The following MBD5 variants were observed in gnomAD, a reference collection of about 807,000 sequenced individuals.
MBD5 encodes the protein methyl-CpG-binding domain protein 5.
A neutral mutation model predicts 117.3 loss-of-function variants in MBD5; 13 were observed. The observed-to-expected ratio is 0.11, with a 90% CI of 0.07 to 0.18. The LOEUF (loss-of-function observed/expected upper bound fraction) is 0.18. MBD5 is among the 10% of genes least tolerant of loss of function. The pLI is 1.00. For missense variants in MBD5, 1,879 were observed against 2,093.8 expected (o/e 0.90, Z 2.00); for synonymous variants, 727 against 766.4 (o/e 0.95, Z 0.85).
chr2:148,468,539 C>T lies in MBD5; in HGVS notation c.596C>T (p.Pro199Leu). 6 of 1,613,884 alleles carry T rather than the reference C, an allele frequency of 3.7e-6. No individual in the cohort carries two copies. The highest frequency in any genetic ancestry group is 5.1e-6 in the Non-Finnish European group (6 of 1,179,872). Reference protein sequence around the residue: ...SQQQELHPVYPRQRLGSSEHG... With the variant: ...SQQQELHPVYLRQRLGSSEHG... ...CAACAAGAACTCCACCCTGTCTACCCCCGACAGAGATTGGGCAGCAGTGAA... is the reference window on the plus strand; with the variant it reads ...CAACAAGAACTCCACCCTGTCTACCTCCGACAGAGATTGGGCAGCAGTGAA... The change falls in exon 8 of 14, where the codon CCC becomes CTC. Residue 199 changes from proline (P) to leucine (L), a missense_variant. Coordinates refer to ENST00000642680, the MANE Select transcript of MBD5 (RefSeq NM_001378120.1).
intron 3 of MBD5, among the ~76,000 whole-genome samples, chr2:148,246,126 G>T (rs1053617733): frequency 1.3e-5 from 2 of 152,076 alleles, no homozygotes; most frequent in Non-Finnish European, 2.9e-5. Context: ...TTATAGTTAG[G>T]CCTCAAAATA....
intron 2 of MBD5, among the ~76,000 whole-genome samples, chr2:148,200,542 A>G (rs1699108019): frequency 6.6e-6 from 1 of 152,048 alleles, no homozygotes; most frequent in African/African-American, 2.4e-5. Context: ...CTACAAAAAA[A>G]ATTAGCTGGG....
intron 4 of MBD5, among the ~76,000 whole-genome samples, chr2:148,406,030 A>T (rs1027839332): frequency 6.6e-6 from 1 of 152,086 alleles, no homozygotes; most frequent in African/African-American, 2.4e-5. Context: ...ATAAATAATT[A>T]ATTAATTAAT....
At chr2:148,503,547 A>C (rs1681935169) in intron 12 of MBD5, among the ~76,000 whole-genome samples, 1 of 152,216 alleles carries the variant, frequency 6.6e-6, no homozygotes, top group South Asian at 2.1e-4. Flanking sequence ...TAATTTTAGA[A>C]GTCAACAAAT....
At chr2:148,022,813 G>T (rs1693796896) in intron 1 of MBD5, among the ~76,000 whole-genome samples, 1 of 151,938 alleles carries the variant, frequency 6.6e-6, no homozygotes, top group African/African-American at 2.4e-5. Context: ...TAAATTGAAA[G>T]GTAAATCCAG....
At chr2:148,377,667 A>G (rs1336914748) in intron 4 of MBD5, among the ~76,000 whole-genome samples, 1 of 152,180 alleles carries the variant, frequency 6.6e-6, no homozygotes, top group African/African-American at 2.4e-5. Context: ...ATATAAATCT[A>G]AAGAGGAGGC....
intron 3 of MBD5, among the ~76,000 whole-genome samples, chr2:148,290,836 T>C (rs1206926163): frequency 6.6e-6 from 1 of 152,218 alleles, no homozygotes. Context: ...CACAAGTTTT[T>C]ATGTGAATAT....
chr2:148,152,916 A>G, intron 1 of MBD5, among the ~76,000 whole-genome samples: 1 of 151,936 alleles, frequency 6.6e-6, no homozygotes. Context: ...CTGTCTTTTA[A>G]TTGGAGCATT....
chr2:148,084,149 A>C (rs1300210038), intron 1 of MBD5, among the ~76,000 whole-genome samples: 4 of 152,186 alleles, frequency 2.6e-5, no homozygotes, highest in Non-Finnish European at 5.9e-5. Flanking sequence ...TACTTATTGC[A>C]TTTAAAGTCA....
chr2:148,507,730 A>G (rs960552919), intron 12 of MBD5, among the ~76,000 whole-genome samples: 2 of 151,218 alleles, frequency 1.3e-5, no homozygotes, highest in African/African-American at 4.9e-5. Context: ...ACTGCACTCC[A>G]GCCTGGGCGA....
intron 2 of MBD5, among the ~76,000 whole-genome samples, chr2:148,227,708 G>A (rs953704946): frequency 1.3e-5 from 2 of 152,120 alleles, no homozygotes; most frequent in Non-Finnish European, 2.9e-5. Context: ...CTTGGGCAGT[G>A]TGGCCATTTT....
At chr2:148,271,042 T>A (rs1431800656) in intron 3 of MBD5, among the ~76,000 whole-genome samples, 2 of 152,200 alleles carry the variant, frequency 1.3e-5, no homozygotes, top group African/African-American at 4.8e-5. Context: ...ATCTCATATC[T>A]CACTCTCATA....
At chr2:148,394,319 C>T (rs780185201) in intron 4 of MBD5, among the ~76,000 whole-genome samples, 6 of 152,044 alleles carry the variant, frequency 3.9e-5, no homozygotes, top group Non-Finnish European at 7.4e-5. Context: ...TTATTTTACT[C>T]TGGGGTTTCC....
At chr2:148,202,643 G>A (rs1254911338) in intron 2 of MBD5, among the ~76,000 whole-genome samples, 1 of 152,168 alleles carries the variant, frequency 6.6e-6, no homozygotes, top group Non-Finnish European at 1.5e-5. Context: ...ACTTGGGATT[G>A]ATGTGATTTG....
intron 3 of MBD5, among the ~76,000 whole-genome samples, chr2:148,335,937 T>C (rs1702776073): frequency 6.6e-6 from 1 of 152,194 alleles, no homozygotes; most frequent in African/African-American, 2.4e-5. Flanking sequence ...ATGACAAAAG[T>C]CGAATTCAAA....
chr2:148,353,434 G>T (rs1384417325), intron 4 of MBD5, among the ~76,000 whole-genome samples: 1 of 152,076 alleles, frequency 6.6e-6, no homozygotes, highest in Non-Finnish European at 1.5e-5. Flanking sequence ...TCAGGTAAAA[G>T]TAATTTGCTT....
intron 2 of MBD5, among the ~76,000 whole-genome samples, chr2:148,213,624 T>C (rs981342917): frequency 6.6e-6 from 1 of 152,222 alleles, no homozygotes; most frequent in African/African-American, 2.4e-5. Context: ...TTATATTTTA[T>C]TCTTTCTAAA....
chr2:148,503,731 C>G (rs1181871556), intron 12 of MBD5, among the ~76,000 whole-genome samples: 2 of 152,178 alleles, frequency 1.3e-5, no homozygotes, highest in African/African-American at 2.4e-5. Flanking sequence ...ATAAGGAAAA[C>G]AGGGATCAAG....
intron 1 of MBD5, among the ~76,000 whole-genome samples, chr2:148,174,497 A>C (rs1437114573): frequency 6.6e-6 from 1 of 152,140 alleles, no homozygotes; most frequent in African/African-American, 2.4e-5. Flanking sequence ...AAAAGAAACA[A>C]TGTACAGAGA....
Sources: allele counts gnomAD v4.1 joint callset (sites outside exome capture counted in the v4.1 genomes callset), GRCh38; gene constraint gnomAD v4.1.1; transcripts MANE v1.5; gene names NCBI Gene and HGNC (gene_info 2026-07-23, HGNC 2026-07-21).